KCNU1: variants seen among roughly 807,000 people sequenced by gnomAD.
KCNU1 encodes the protein potassium channel subfamily U member 1.
Under a neutral mutation model 126.8 loss-of-function variants are expected in KCNU1, and 93 were observed. That is an observed-to-expected ratio of 0.73 (90% CI 0.62 to 0.87). The LOEUF (loss-of-function observed/expected upper bound fraction) is 0.87. Ranked by LOEUF, KCNU1 falls within the 40% of genes least tolerant of loss-of-function variation. The pLI, the probability that KCNU1 is intolerant of heterozygous loss-of-function variation, is 0.00. For missense variants in KCNU1, 1,330 were observed against 1,367.1 expected, an observed-to-expected ratio of 0.97 and a Z score of 0.43; for synonymous variants, 523 against 494.2, an observed-to-expected ratio of 1.06 and a Z score of -0.77.
At chr8:36,886,115 G>T (rs1806691538) in intron 19 of KCNU1, among the ~76,000 whole-genome samples, 1 of 152,144 alleles carries the variant, frequency 6.6e-6, no homozygotes, top group South Asian at 2.1e-4. Flanking sequence ...TGAAAGAGGT[G>T]CAAGGAACAG....
chr8:36,837,310 A>G (rs188221495), intron 14 of KCNU1, among the ~76,000 whole-genome samples: 10 of 152,362 alleles, frequency 6.6e-5, no homozygotes, highest in Admixed American at 2.0e-4. Flanking sequence ...AAGGATTCAT[A>G]TATTTCAATA....
chr8:36,918,838 A>T lies in KCNU1; in HGVS notation c.2537A>T (p.Tyr846Phe). The T allele has an allele frequency of 6.2e-7, 1 of 1,605,104 alleles. No homozygotes were observed. Among genetic ancestry groups the T allele is most frequent in the South Asian group, 1.1e-5 (1 of 90,882 alleles). Residue 846 changes from tyrosine to phenylalanine, a missense_variant, in exon 23 of 27, where the codon TAC (tyrosine) becomes TTC (phenylalanine). Physicochemically the swap from Tyr to Phe is conservative, Grantham distance 22 (BLOSUM62 3). This residue lies in a region of KCNU1 where 1,054 missense variants were observed against 1,053.9 expected (regional missense o/e 1.00). Coordinates refer to ENST00000399881, the MANE Select transcript of KCNU1 (RefSeq NM_001031836.3). ...TTCTTTGCAGAGGAGACTCCAGGTT[A>T]CACAAATGGACATAATGAGAAATCA... ...SPSVSEETPGYTNGHNEKSNC... is the reference protein window; with the variant it reads ...SPSVSEETPGFTNGHNEKSNC...
At chr8:36,915,687 C>T (rs1403092357) in intron 22 of KCNU1, among the ~76,000 whole-genome samples, 1 of 152,194 alleles carries the variant, frequency 6.6e-6, no homozygotes, top group African/African-American at 2.4e-5. Context: ...TTATCACAAC[C>T]CTTCTGCCAG....
chr8:36,830,035 T>G (rs1804472983), intron 10 of KCNU1, among the ~76,000 whole-genome samples: 1 of 149,490 alleles, frequency 6.7e-6, no homozygotes, highest in African/African-American at 2.4e-5. Flanking sequence ...ATATTATTTA[T>G]ATTTGTGTAG....
chr8:36,848,517 C>A (rs766691953), intron 18 of KCNU1, among the ~76,000 whole-genome samples: 3 of 152,178 alleles, frequency 2.0e-5, no homozygotes, highest in African/African-American at 2.4e-5. Context: ...CCAGTTTCCC[C>A]AGCACCATTA....
At chr8:36,875,550 T>C (rs1288319191) in intron 19 of KCNU1, among the ~76,000 whole-genome samples, 2 of 151,774 alleles carry the variant, frequency 1.3e-5, no homozygotes, top group African/African-American at 2.4e-5. Context: ...TGATTCAAAG[T>C]GGCCTTTTAA....
chr8:36,839,761 G>A (rs16885494), intron 14 of KCNU1, among the ~76,000 whole-genome samples: 1 of 152,092 alleles, frequency 6.6e-6, no homozygotes, highest in Non-Finnish European at 1.5e-5. Context: ...TGCCATATCA[G>A]AACAGTGTGG....
chr8:36,839,881 T>G (rs1804887514), intron 14 of KCNU1, among the ~76,000 whole-genome samples: 1 of 152,188 alleles, frequency 6.6e-6, no homozygotes, highest in South Asian at 2.1e-4. Flanking sequence ...TTTAGCCATT[T>G]TGAGATATCT....
intron 10 of KCNU1, among the ~76,000 whole-genome samples, chr8:36,824,674 TA>T (rs1804251287): frequency 1.3e-5 from 2 of 152,184 alleles, no homozygotes; most frequent in Non-Finnish European, 2.9e-5. Flanking sequence ...TATATCTTAT[TA>T]TTTTTTGTCT....
At chr8:36,925,226 A>G (rs1808494259) in intron 24 of KCNU1, among the ~76,000 whole-genome samples, 1 of 152,218 alleles carries the variant, frequency 6.6e-6, no homozygotes, top group African/African-American at 2.4e-5. Flanking sequence ...AGGTCATTGC[A>G]TGAGATCACA....
At chr8:36,877,667 T>C (rs1193446118) in intron 19 of KCNU1, among the ~76,000 whole-genome samples, 1 of 152,160 alleles carries the variant, frequency 6.6e-6, no homozygotes, top group Non-Finnish European at 1.5e-5. Context: ...AGACAAACAC[T>C]GAAATATACT....
At chr8:36,916,933 G>T (rs1808133934) in intron 22 of KCNU1, among the ~76,000 whole-genome samples, 1 of 152,152 alleles carries the variant, frequency 6.6e-6, no homozygotes, top group South Asian at 2.1e-4. Context: ...CAGTAGTGAG[G>T]TGGAAAAGGT....
rs765257612 is a variant in KCNU1, at chr8:36,935,700, C to T, written c.3230C>T (p.Thr1077Ile). 2 of 1,613,140 alleles carry T rather than the reference C, an allele frequency of 1.2e-6. No homozygotes were observed. The highest frequency in any genetic ancestry group is 1.3e-5 in the African/African-American group (1 of 74,888). Residue 1077 changes from threonine to isoleucine, a missense_variant, in exon 27 of 27, where the codon ACC becomes ATC. Thr to Ile is a moderately conservative substitution (Grantham distance 89). This residue lies in a region of KCNU1 where 1,054 missense variants were observed against 1,053.9 expected (regional missense o/e 1.00). Coordinates refer to ENST00000399881, the MANE Select transcript of KCNU1 (RefSeq NM_001031836.3). ...ETHSDTNCPP[T>I]IDSVTETLYS... is the part of the protein sequence containing the mutation. ...CATTCAGACACAAATTGTCCTCCCA[C>T]CATTGATTCAGTTACTGAGACATTG...
At position 36,910,345 on chromosome 8, in the gene KCNU1, G is replaced by A. The variant is rs144666473; in HGVS notation, c.2332-585G>A. On this transcript the variant is annotated intron_variant, in intron 21 of 26. Coordinates refer to ENST00000399881, the MANE Select transcript of KCNU1 (RefSeq NM_001031836.3). ...CCACTGTAAGTTTCCCTGTACTACC[G>A]CTCCTGCTTAAGTCCATTGAAAGGA... Among the ~76,000 whole-genome samples, 532 of 152,096 alleles carry A rather than the reference G, an allele frequency of 3.5e-3. 3 individuals are homozygous for A. The highest frequency in any genetic ancestry group is 0.011 in the African/African-American group (472 of 41,488).
rs76878998 is a variant in KCNU1, at chr8:36,902,044, A to G, written c.2010-3664A>G. Among the ~76,000 whole-genome samples, 296 of 152,256 alleles carry G rather than the reference A, an allele frequency of 1.9e-3. 2 individuals are homozygous for G. The highest frequency in any genetic ancestry group is 6.7e-3 in the African/African-American group (280 of 41,574). ...AGAGTATGTTTCTATGAGGATCATG[A>G]CATTTGCAAAGCATATGGCAGAACG... On this transcript the variant is annotated intron_variant, in intron 19 of 26. Transcript: ENST00000399881.
chr8:36,822,511 G>T (rs1236961574), intron 10 of KCNU1, among the ~76,000 whole-genome samples: 1 of 152,240 alleles, frequency 6.6e-6, no homozygotes, highest in East Asian at 1.9e-4. Context: ...CAAGGTTCTT[G>T]TAAGATTCTA....
At chr8:36,832,846 A>G (rs981379636) in intron 10 of KCNU1, among the ~76,000 whole-genome samples, 1 of 152,094 alleles carries the variant, frequency 6.6e-6, no homozygotes, top group Non-Finnish European at 1.5e-5. Flanking sequence ...ATCTCAAAGC[A>G]TATATATTTA....
At chr8:36,892,075 A>G (rs1806983597) in intron 19 of KCNU1, among the ~76,000 whole-genome samples, 1 of 151,352 alleles carries the variant, frequency 6.6e-6, no homozygotes, top group South Asian at 2.1e-4. Flanking sequence ...CATTTCTGAA[A>G]CTCCCATTTT....
intron 19 of KCNU1, among the ~76,000 whole-genome samples, chr8:36,886,908 C>G (rs1201810680): frequency 3.3e-5 from 5 of 152,080 alleles, no homozygotes; most frequent in Non-Finnish European, 7.4e-5. Flanking sequence ...ATTTGGTTTT[C>G]CATTACTGAG....
Sources: allele counts gnomAD v4.1 joint callset (sites outside exome capture counted in the v4.1 genomes callset), GRCh38; gene constraint gnomAD v4.1.1; regional missense constraint gnomAD v4.1.1; transcripts MANE v1.5; gene names NCBI Gene and HGNC (gene_info 2026-07-23, HGNC 2026-07-21).